BCL7B: variants seen among roughly 807,000 people sequenced by gnomAD.
BCL7B encodes the protein B-cell CLL/lymphoma 7 protein family member B.
In BCL7B, 11 loss-of-function variants were observed where a neutral mutation model predicts 26.5. The observed-to-expected ratio is 0.42, with a 90% confidence interval of 0.26 to 0.69. The LOEUF (loss-of-function observed/expected upper bound fraction) is 0.69, where lower values mean the gene tolerates loss of function less well. Among genes scored for constraint, BCL7B ranks in the 30% least tolerant of loss-of-function variants. The pLI is 0.28. For missense variants in BCL7B, 215 were observed against 264.4 expected (o/e 0.81, Z 1.30); for synonymous variants, 111 against 107.9 (o/e 1.03, Z -0.18).
intron 1 of BCL7B, 173 bp downstream of exon 1, chr7:73,557,314 G>A (rs1327366232): frequency 1.7e-5 from 20 of 1,166,648 alleles, no homozygotes; most frequent in Non-Finnish European, 2.1e-5. Flanking sequence ...GATTGGCCGC[G>A]GCCGGCGCGC....
At position 73,537,922 on chromosome 7, in the gene BCL7B, G is replaced by A. The variant is rs375120389; in HGVS notation, c.516+12C>T. The A allele has an allele frequency of 6.4e-7, 1 of 1,567,572 alleles. No homozygotes were observed. Among genetic ancestry groups the A allele is most frequent in the Admixed American group, 2.0e-5 (1 of 50,268 alleles). The stretch of plus-strand genomic sequence containing the variant: ...AAAACAAAAAACTGGAAAACTCAAA[G>A]TGATTGCTTACCTGTGTCTCTAGTG... On this transcript the variant is annotated intron_variant, in intron 5 of 5. Transcript: ENST00000223368.
chr7:73,543,525 G>A, intron 3 of BCL7B, 23 bp downstream of exon 3: 3 of 1,599,760 alleles, frequency 1.9e-6, no homozygotes, highest in Non-Finnish European at 2.6e-6. Flanking sequence ...CTCCTGCAAG[G>A]AAGACACAGA....
chr7:73,549,349 G>A (rs1470069146), intron 2 of BCL7B, among the ~76,000 whole-genome samples: 4 of 152,156 alleles, frequency 2.6e-5, no homozygotes, highest in African/African-American at 4.8e-5. Flanking sequence ...CAAGACACAC[G>A]AAAATAGATA....
At chr7:73,557,438 G>T in intron 1 of BCL7B, 49 bp downstream of exon 1, 1 of 1,266,308 alleles carries the variant, frequency 7.9e-7, no homozygotes, top group South Asian at 2.3e-5. Context: ...ACGCTCCTCA[G>T]GGCCTGGATC....
At chr7:73,538,038 G>A (rs1791608767) in intron 4 of BCL7B, 25 bp from the exon 5 acceptor site, 1 of 1,544,534 alleles carries the variant, frequency 6.5e-7, no homozygotes, top group Non-Finnish European at 8.8e-7. Flanking sequence ...GGGTCGGCCT[G>A]AGGGCAGGGC....
chr7:73,538,380 T>G, intron 4 of BCL7B: 1 of 187,438 alleles, frequency 5.3e-6, no homozygotes, highest in East Asian at 1.2e-4. Flanking sequence ...ACATGCCAAA[T>G]AGTAAGAACA....
At chr7:73,556,677 C>T (rs1338016681) in intron 1 of BCL7B, among the ~76,000 whole-genome samples, 1 of 152,254 alleles carries the variant, frequency 6.6e-6, no homozygotes, top group East Asian at 1.9e-4. Context: ...GCTGGAGTGC[C>T]GTGGCACGAT....
intron 2 of BCL7B, among the ~76,000 whole-genome samples, chr7:73,546,701 A>G (rs1020377603): frequency 1.3e-4 from 20 of 152,104 alleles, no homozygotes; most frequent in African/African-American, 4.8e-4. Flanking sequence ...GGAAGAACCA[A>G]TTGAGGCAAT....
chr7:73,540,517 C>G (rs1554582706), intron 3 of BCL7B: 1 of 165,146 alleles, frequency 6.1e-6, no homozygotes, highest in South Asian at 1.6e-4. Flanking sequence ...AAGTCACCAT[C>G]AAGGTGCAAA....
intron 2 of BCL7B, among the ~76,000 whole-genome samples, chr7:73,549,547 G>C (rs1792078110): frequency 6.6e-6 from 1 of 152,154 alleles, no homozygotes; most frequent in East Asian, 1.9e-4. Context: ...GATGGCTCAT[G>C]CCTAAAATCC....
chr7:73,555,602 CAG>C (rs1471247605), intron 1 of BCL7B, among the ~76,000 whole-genome samples: 1 of 152,018 alleles, frequency 6.6e-6, no homozygotes, highest in Non-Finnish European at 1.5e-5. Context: ...GCAGGAAGAG[CAG>C]AGTGACTTCA....
chr7:73,551,329 T>G (rs1792161209), intron 2 of BCL7B, among the ~76,000 whole-genome samples: 3 of 152,206 alleles, frequency 2.0e-5, no homozygotes. Flanking sequence ...AGATGGTGTG[T>G]CACACTGTTG....
At chr7:73,545,870 G>A (rs529095790) in intron 2 of BCL7B, among the ~76,000 whole-genome samples, 7 of 152,180 alleles carry the variant, frequency 4.6e-5, no homozygotes, top group South Asian at 4.1e-4. Flanking sequence ...GGTGGCTCAC[G>A]CCTGTAATCC....
intron 2 of BCL7B, among the ~76,000 whole-genome samples, chr7:73,550,893 G>A (rs1489492587): frequency 4.6e-5 from 7 of 151,876 alleles, no homozygotes; most frequent in Non-Finnish European, 8.8e-5. Flanking sequence ...TCCTGACCTC[G>A]TGATCCGCCC....
At chr7:73,548,889 C>T (rs1384036291) in intron 2 of BCL7B, among the ~76,000 whole-genome samples, 1 of 152,048 alleles carries the variant, frequency 6.6e-6, no homozygotes, top group Non-Finnish European at 1.5e-5. Context: ...GAGATTGCGC[C>T]ACTGCACTCC....
At chr7:73,556,183 T>A (rs1421534313) in intron 1 of BCL7B, among the ~76,000 whole-genome samples, 2 of 152,146 alleles carry the variant, frequency 1.3e-5, no homozygotes, top group African/African-American at 4.8e-5. Flanking sequence ...CCCAACTATA[T>A]ATGAAGCCCT....
intron 2 of BCL7B, among the ~76,000 whole-genome samples, chr7:73,546,160 C>T (rs1554583464): frequency 2.0e-5 from 3 of 147,892 alleles, no homozygotes; most frequent in African/African-American, 7.5e-5. Flanking sequence ...GAAAGAAAAA[C>T]TACGGATCAG....
chr7:73,551,625 T>C (rs1554584159), intron 2 of BCL7B, among the ~76,000 whole-genome samples: 1 of 151,972 alleles, frequency 6.6e-6, no homozygotes, highest in Non-Finnish European at 1.5e-5. Context: ...AATAGAACTA[T>C]ACTGACAAAC....
intron 1 of BCL7B, among the ~76,000 whole-genome samples, chr7:73,555,606 G>A (rs1792333205): frequency 6.6e-6 from 1 of 152,142 alleles, no homozygotes; most frequent in Admixed American, 6.6e-5. Flanking sequence ...GAAGAGCAGA[G>A]TGACTTCATT....
Sources: allele counts gnomAD v4.1 joint callset (sites outside exome capture counted in the v4.1 genomes callset), GRCh38; gene constraint gnomAD v4.1.1; transcripts MANE v1.5; gene names NCBI Gene and HGNC (gene_info 2026-07-23, HGNC 2026-07-21).